Variants in ADGRA2 observed in about 807,000 individuals in gnomAD.
ADGRA2 encodes the protein adhesion G protein-coupled receptor A2, also known as G-protein coupled receptor 124.
Under a neutral mutation model 98.7 loss-of-function variants are expected in ADGRA2, and 61 were observed. The observed-to-expected ratio is 0.62, with a 90% CI of 0.50 to 0.76. The LOEUF (loss-of-function observed/expected upper bound fraction) is 0.76, where lower values mean the gene tolerates loss of function less well. ADGRA2 is among the 30% of genes least tolerant of loss of function. The pLI, the probability that ADGRA2 is intolerant of heterozygous loss-of-function variation, is 0.00. For synonymous variants in ADGRA2, 858 were observed against 831.5 expected (o/e 1.03, Z -0.55); for missense variants, 1,712 against 1,860.0 (o/e 0.92, Z 1.46).
chr8:37,839,569 G>A lies in ADGRA2; in HGVS notation c.2458G>A (p.Ala820Thr). ...GTGCTTCCACATAGCCATGACCTCT[G>A]CTGTCTTTGCGGGGGGCATCACACT... is the stretch of plus-strand genomic sequence containing the variant. ...NLCFHIAMTSAVFAGGITLTN... is the reference protein window; with the variant it reads ...NLCFHIAMTSTVFAGGITLTN... Residue 820 changes from alanine (A) to threonine (T), a missense_variant, in exon 16 of 19, where the codon GCT becomes ACT. Physicochemically the swap from Ala to Thr is moderately conservative, Grantham distance 58. Transcript: ENST00000412232. 2 of 1,614,186 alleles carry A rather than the reference G, an allele frequency of 1.2e-6. No individual in the cohort carries two copies. Among genetic ancestry groups the A allele is most frequent in the Admixed American group, 1.7e-5 (1 of 60,026 alleles).
chr8:37,833,069 C>T lies in ADGRA2; in HGVS notation c.1157C>T (p.Thr386Ile), dbSNP rs749263093. Residue 386 changes from threonine (T) to isoleucine (I), a missense_variant, in exon 9 of 19, where the codon ACC (threonine) becomes ATC (isoleucine). Coordinates refer to ENST00000412232, the MANE Select transcript of ADGRA2 (RefSeq NM_032777.10). ...CAGTCCTGCCTGCAGTATCCCTTCACCTCAGTGCCCCTGGGCGGGGGTGCC... is the reference window on the plus strand; with the variant it reads ...CAGTCCTGCCTGCAGTATCCCTTCATCTCAGTGCCCCTGGGCGGGGGTGCC... ...AYQSCLQYPF[T>I]SVPLGGGAPG... 2 of 1,613,252 alleles carry T rather than the reference C, an allele frequency of 1.2e-6. No individual in the cohort carries two copies. The highest frequency in any genetic ancestry group is 8.5e-7 in the Non-Finnish European group (1 of 1,179,914).
At chr8:37,811,055 A>G (rs1804812386) in intron 1 of ADGRA2, among the ~76,000 whole-genome samples, 1 of 140,770 alleles carries the variant, frequency 7.1e-6, no homozygotes, top group Admixed American at 7.4e-5. Flanking sequence ...CGGAGCTTGC[A>G]GTGAGCCGAG....
chr8:37,823,135 C>T (rs1470660602), intron 2 of ADGRA2, among the ~76,000 whole-genome samples: 1 of 151,688 alleles, frequency 6.6e-6, no homozygotes, highest in African/African-American at 2.4e-5. Context: ...TTGTGATCTG[C>T]CTGCCTTGGC....
intron 2 of ADGRA2, among the ~76,000 whole-genome samples, chr8:37,828,609 G>A (rs917505786): frequency 1.1e-4 from 16 of 151,428 alleles, no homozygotes; most frequent in African/African-American, 3.9e-4. Context: ...GCCTAGCTGG[G>A]GCTACAGGTG....
At chr8:37,825,412 T>TC (rs1805248844) in intron 2 of ADGRA2, among the ~76,000 whole-genome samples, 1 of 142,518 alleles carries the variant, frequency 7.0e-6, no homozygotes, top group Non-Finnish European at 1.6e-5. Flanking sequence ...TTGGCTAAAT[T>TC]TTTTTTTTTT....
Position 37,830,572 on chromosome 8 carries a change from C to T in ADGRA2, c.719-138C>T, listed in dbSNP as rs1805422268. 2 of 639,970 alleles carry T rather than the reference C, an allele frequency of 3.1e-6. No homozygotes were observed. The highest frequency in any genetic ancestry group is 3.6e-5 in the African/African-American group (2 of 55,132). 39.6% of individuals were successfully genotyped at this position (639,970 alleles called of 1,614,324 possible). On this transcript the variant is annotated intron_variant, in intron 6 of 18. Transcript: ENST00000412232. The surrounding 1 kb of genome is among the most constrained non-coding windows in gnomAD (Gnocchi z 4.8). ...TACCCCTAGAGACTTTCTCTTGACC[C>T]CTTTTCCTTCCCAGCTGGAGCAGGC...
intron 2 of ADGRA2, among the ~76,000 whole-genome samples, chr8:37,821,138 G>A (rs1277909947): frequency 2.0e-5 from 3 of 152,214 alleles, no homozygotes; most frequent in African/African-American, 7.2e-5. Flanking sequence ...GGGGCAGAGA[G>A]AAGCTGATGA....
In ADGRA2 at chr8:37,841,136, C is replaced by T; in HGVS notation, c.2798C>T (p.Ala933Val). The stretch of plus-strand genomic sequence containing the variant: ...CTTGGCGCCTTCTACATCCCTGTGG[C>T]TTTGATTCTGCTCATCACCTGGATC... ...PSLGAFYIPV[A>V]LILLITWIYF... The change falls in exon 19 of 19, where the codon GCT becomes GTT. Residue 933 changes from alanine (A) to valine (V), a missense_variant. Ala to Val is a moderately conservative substitution (Grantham distance 64, BLOSUM62 0). Transcript: ENST00000412232. The surrounding 1 kb of genome is among the most constrained non-coding windows in gnomAD (Gnocchi z 5.0). 1 of 1,611,370 alleles carries T rather than the reference C, an allele frequency of 6.2e-7. No individual in the cohort carries two copies. The highest frequency in any genetic ancestry group is 8.5e-7 in the Non-Finnish European group (1 of 1,179,528).
intron 2 of ADGRA2, among the ~76,000 whole-genome samples, chr8:37,827,399 C>A (rs1805311564): frequency 6.6e-6 from 1 of 152,240 alleles, no homozygotes; most frequent in Admixed American, 6.5e-5. Flanking sequence ...AGATACCCAG[C>A]AGGTCGCCTG....
chr8:37,839,007 C>T lies in ADGRA2; in HGVS notation c.2311C>T (p.Pro771Ser), dbSNP rs752892180. The change falls in exon 15 of 19, where the codon CCC becomes TCC. Residue 771 changes from proline to serine, a missense_variant. Pro to Ser is a moderately conservative substitution (Grantham distance 74, BLOSUM62 -1). Transcript: ENST00000412232. ...EVGGAGAGLH[P>S]VVYPCTALLL... ...GGGGGGCGCCGGGGCAGGGCTGCAC[C>T]CCGTGGTATACCCCTGCACGGCCTT... 1 of 1,597,952 alleles carries T rather than the reference C, an allele frequency of 6.3e-7. No individual in the cohort carries two copies. Among genetic ancestry groups the T allele is most frequent in the South Asian group, 1.1e-5 (1 of 88,160 alleles).
At position 37,838,965 on chromosome 8, in the gene ADGRA2, G is replaced by C. The variant is rs143113584; in HGVS notation, c.2269G>C (p.Ala757Pro). ...GNVAVLMELS[A>P]FPREVGGAGA... ...TCCTGCCCTTTCCCAGGAGCTGAGC[G>C]CCTTTCCCAGGGAGGTGGGGGGCGC... Residue 757 changes from alanine (A) to proline (P), a missense_variant, in exon 15 of 19, where the codon GCC becomes CCC. Transcript: ENST00000412232. 1 of 1,569,248 alleles carries C rather than the reference G, an allele frequency of 6.4e-7. No homozygotes were observed. The highest frequency in any genetic ancestry group is 8.6e-7 in the Non-Finnish European group (1 of 1,158,618).
rs1258102609 is a variant in ADGRA2, at chr8:37,829,886, A to G, written c.590A>G (p.His197Arg). Residue 197 changes from histidine to arginine, a missense_variant, in exon 6 of 19, where the codon CAC (histidine) becomes CGC (arginine). Transcript: ENST00000412232. The part of the protein sequence containing the change: ...LGTEFLTCDC[H>R]LRWLLPWAQN... ...ACCGAGTTCCTGACCTGTGACTGCC[A>G]CCTGCGCTGGCTGCTGCCCTGGGCC... is the stretch of plus-strand genomic sequence containing the variant. 1 of 1,612,862 alleles carries G rather than the reference A, an allele frequency of 6.2e-7. No individual in the cohort carries two copies. The highest frequency in any genetic ancestry group is 1.1e-5 in the South Asian group (1 of 91,058).
chr8:37,801,618 C>CA (rs1804508712), intron 1 of ADGRA2, among the ~76,000 whole-genome samples: 1 of 152,184 alleles, frequency 6.6e-6, no homozygotes, highest in Non-Finnish European at 1.5e-5. Context: ...TCTGAGCAGG[C>CA]ACTCCGAGGA....
intron 1 of ADGRA2, among the ~76,000 whole-genome samples, chr8:37,811,174 T>TG (rs1199482470): frequency 2.1e-5 from 3 of 146,132 alleles, no homozygotes; most frequent in East Asian, 2.0e-4. Context: ...GTGTGTTTTT[T>TG]TTTTTTTTTT....
intron 2 of ADGRA2, among the ~76,000 whole-genome samples, chr8:37,819,636 C>A (rs924270092): frequency 3.3e-5 from 5 of 152,238 alleles, no homozygotes; most frequent in Admixed American, 3.3e-4. Context: ...TTCCAAAGTG[C>A]TGGGATTACA....
Position 37,843,675 on chromosome 8 carries a change from G to A in ADGRA2, c.*1320G>A, listed in dbSNP as rs936795736. The A allele has an allele frequency of 1.3e-5, 2 of 152,546 alleles. No homozygotes were observed. The highest frequency in any genetic ancestry group is 1.3e-4 in the Admixed American group (2 of 15,290). The allele number at this position is 152,546 out of a possible 1,614,324, so 9.4% of individuals were successfully genotyped here. On this transcript the variant is annotated 3_prime_UTR_variant, in exon 19 of 19. Coordinates refer to ENST00000412232, the MANE Select transcript of ADGRA2 (RefSeq NM_032777.10). ...AGGTGACAGAGGACACAGGGGAGGG[G>A]GAAAACCCACACACACTCCTTGGAA...
intron 2 of ADGRA2, among the ~76,000 whole-genome samples, chr8:37,824,048 C>T (rs907381065): frequency 9.7e-5 from 14 of 145,018 alleles, no homozygotes; most frequent in Admixed American, 4.8e-4. Flanking sequence ...TTTTTTTTTT[C>T]GAGATGGAGT....
chr8:37,816,927 AAC>A (rs3050620), intron 2 of ADGRA2, among the ~76,000 whole-genome samples: 5,291 of 131,752 alleles, frequency 0.04, 96 homozygotes, highest in South Asian at 0.089. Context: ...AAGAAAGCAA[AAC>A]ACACACACAC....
At chr8:37,838,195 G>C (rs1374627102) in intron 14 of ADGRA2, among the ~76,000 whole-genome samples, 1 of 151,734 alleles carries the variant, frequency 6.6e-6, no homozygotes, top group Non-Finnish European at 1.5e-5. Flanking sequence ...TGGAACTCCC[G>C]ATGGATCTGG....
Sources: gnomAD v4.1 joint callset for allele counts (sites outside exome capture counted in the v4.1 genomes callset) on GRCh38, gnomAD v4.1.1 for gene constraint, Gnocchi (gnomAD v3.1) non-coding constraint, MANE v1.5 for transcripts, NCBI Gene and HGNC (gene_info 2026-07-23, HGNC 2026-07-21) for gene names.